Variants in EMCN observed in about 807,000 individuals in gnomAD.
EMCN encodes the protein MUC-14.
A neutral mutation model predicts 38.4 loss-of-function variants in EMCN; 37 were observed. The ratio of observed to expected loss-of-function variants is 0.96; its 90% confidence interval spans 0.74 to 1.27. EMCN has a LOEUF of 1.27. Among genes scored for constraint, EMCN ranks in the 50% most tolerant of loss-of-function variants. EMCN has a pLI of 0.00. For missense variants in EMCN, 318 were observed against 302.8 expected, an observed-to-expected ratio of 1.05 and a Z score of -0.37; for synonymous variants, 95 against 100.8, an observed-to-expected ratio of 0.94 and a Z score of 0.35.
chr4:100,502,310 T>C (rs1348852002), intron 1 of EMCN, among the ~76,000 whole-genome samples: 1 of 152,230 alleles, frequency 6.6e-6, no homozygotes, highest in Non-Finnish European at 1.5e-5. Flanking sequence ...ATGTTGAATA[T>C]ACCTGGCTTC....
intron 1 of EMCN, among the ~76,000 whole-genome samples, chr4:100,508,252 C>A (rs1227021700): frequency 1.3e-5 from 2 of 152,170 alleles, no homozygotes; most frequent in African/African-American, 4.8e-5. Flanking sequence ...TGGTAACTAA[C>A]CCAAGTGCTC....
chr4:100,471,580 C>G (rs964503457), intron 3 of EMCN, among the ~76,000 whole-genome samples: 1 of 151,928 alleles, frequency 6.6e-6, no homozygotes, highest in African/African-American at 2.4e-5. Flanking sequence ...CACTTCCCAA[C>G]TTATTCTATG....
intron 1 of EMCN, among the ~76,000 whole-genome samples, chr4:100,485,158 A>C (rs1728909039): frequency 6.6e-6 from 1 of 152,200 alleles, no homozygotes; most frequent in Non-Finnish European, 1.5e-5. Context: ...GTCATAACCT[A>C]GACCAACTAA....
intron 1 of EMCN, among the ~76,000 whole-genome samples, chr4:100,486,094 G>T (rs1398283633): frequency 1.3e-5 from 2 of 152,130 alleles, no homozygotes; most frequent in African/African-American, 2.4e-5. Context: ...TATGCTTGCA[G>T]TTGTGCCATA....
chr4:100,466,218 T>A (rs1267119329), intron 3 of EMCN, among the ~76,000 whole-genome samples: 1 of 152,188 alleles, frequency 6.6e-6, no homozygotes, highest in Non-Finnish European at 1.5e-5. Context: ...CCTTCAGTTT[T>A]TTCAGTCTAA....
intron 1 of EMCN, among the ~76,000 whole-genome samples, chr4:100,498,509 G>A (rs13124188): frequency 3.3e-5 from 5 of 149,320 alleles, no homozygotes; most frequent in South Asian, 4.2e-4. Flanking sequence ...TTTTTTAGAC[G>A]GAGTCTCGCT....
chr4:100,479,899 A>G lies in EMCN; in HGVS notation c.187+18T>C. ...TATTTGTTAAAGTTAAACTAAATTT[A>G]CTAACAGTTAATCCTACCTTTAGGA... On this transcript the variant is annotated intron_variant, in intron 2 of 11. Coordinates refer to ENST00000296420, the MANE Select transcript of EMCN (RefSeq NM_016242.4). The G allele has an allele frequency of 6.3e-7, 1 of 1,586,958 alleles. No individual in the cohort carries two copies. The highest frequency in any genetic ancestry group is 8.5e-7 in the Non-Finnish European group (1 of 1,170,630).
chr4:100,437,144 A>G (rs1727377286), intron 5 of EMCN, among the ~76,000 whole-genome samples: 1 of 152,200 alleles, frequency 6.6e-6, no homozygotes, highest in Non-Finnish European at 1.5e-5. Flanking sequence ...GTAGTATCAC[A>G]TAGTAGTTTT....
intron 1 of EMCN, among the ~76,000 whole-genome samples, chr4:100,490,917 C>T (rs141545515): frequency 1.6e-4 from 24 of 152,202 alleles, no homozygotes; most frequent in African/African-American, 3.1e-4. Context: ...TAAAGATTAA[C>T]GACATTGAGC....
At chr4:100,496,236 C>A (rs1484210963) in intron 1 of EMCN, among the ~76,000 whole-genome samples, 10 of 152,088 alleles carry the variant, frequency 6.6e-5, no homozygotes, top group Admixed American at 6.6e-4. Context: ...TACTACTCTT[C>A]CTATCCTCCT....
chr4:100,464,880 C>A (rs1055550082), intron 4 of EMCN, among the ~76,000 whole-genome samples: 15 of 151,848 alleles, frequency 9.9e-5, no homozygotes. Flanking sequence ...GTAACATTAG[C>A]CTCTGATAAT....
intron 1 of EMCN, among the ~76,000 whole-genome samples, chr4:100,511,527 T>G (rs1729624317): frequency 2.0e-5 from 3 of 152,210 alleles, no homozygotes; most frequent in South Asian, 2.1e-4. Flanking sequence ...GACATCAACA[T>G]TTTTTACTAC....
Position 100,395,532 on chromosome 4 carries a change from T to C in EMCN, c.*2881A>G, listed in dbSNP as rs1053639260. 1.3e-5 allele frequency: 2 copies of C among 152,194 alleles called. No homozygotes were observed. The highest frequency in any genetic ancestry group is 2.9e-5 in the Non-Finnish European group (2 of 68,026). The allele number at this position is 152,194 out of a possible 1,614,324, so 9.4% of individuals were successfully genotyped here. On this transcript the variant is annotated 3_prime_UTR_variant, in exon 12 of 12. Transcript: ENST00000296420. ...CATTAGGCAATAATTGACAGTTTTATAGTGGTGAGACTATCATCACCCAAA... is the reference window on the plus strand; with the variant it reads ...CATTAGGCAATAATTGACAGTTTTACAGTGGTGAGACTATCATCACCCAAA...
In EMCN at chr4:100,447,588, A is replaced by C. The variant is rs770587207; in HGVS notation, c.377-17T>G. The C allele has an allele frequency of 7.1e-6, 11 of 1,552,406 alleles. No individual in the cohort carries two copies. The Middle Eastern group carries it at 1.0e-3, about 143-fold the overall frequency. On this transcript the variant is annotated splice_polypyrimidine_tract_variant and intron_variant, in intron 4 of 11. Coordinates refer to ENST00000296420, the MANE Select transcript of EMCN (RefSeq NM_016242.4). ...GAGTTTCAGCTTTAGAAGGAAAAAA[A>C]GAAAAAAAATCAGTACAATTAAATG...
chr4:100,420,985 T>C (rs1726871208), intron 8 of EMCN, among the ~76,000 whole-genome samples: 1 of 151,974 alleles, frequency 6.6e-6, no homozygotes, highest in African/African-American at 2.4e-5. Flanking sequence ...ACAAGTTATG[T>C]CATTGTTATG....
intron 2 of EMCN, among the ~76,000 whole-genome samples, chr4:100,477,610 T>C (rs1271609656): frequency 1.3e-5 from 2 of 152,204 alleles, no homozygotes; most frequent in Admixed American, 1.3e-4. Flanking sequence ...TAGAAAGACA[T>C]AAGCACTACT....
intron 1 of EMCN, among the ~76,000 whole-genome samples, chr4:100,493,863 G>T (rs555134533): frequency 6.6e-6 from 1 of 152,090 alleles, no homozygotes; most frequent in Non-Finnish European, 1.5e-5. Context: ...TCCATAATCT[G>T]ACAGCTTTTC....
At chr4:100,479,257 C>A (rs1275947928) in intron 2 of EMCN, among the ~76,000 whole-genome samples, 1 of 146,340 alleles carries the variant, frequency 6.8e-6, no homozygotes, top group Non-Finnish European at 1.5e-5. Flanking sequence ...TGTCCATAGA[C>A]AATCCACAAA....
intron 1 of EMCN, among the ~76,000 whole-genome samples, chr4:100,512,313 T>C (rs1247518921): frequency 2.6e-5 from 4 of 152,184 alleles, no homozygotes; most frequent in Admixed American, 2.6e-4. Context: ...GGGAACCATA[T>C]AGTGCCCTTT....
Sources: allele counts gnomAD v4.1 joint callset (sites outside exome capture counted in the v4.1 genomes callset), GRCh38; gene constraint gnomAD v4.1.1; transcripts MANE v1.5; gene names NCBI Gene and HGNC (gene_info 2026-07-23, HGNC 2026-07-21).